Variants in RAB38 observed in about 807,000 individuals in gnomAD.
RAB38 encodes ras-related protein Rab-38.
A neutral mutation model predicts 18.4 loss-of-function variants in RAB38; 15 were observed. The ratio of observed to expected loss-of-function variants is 0.82; its 90% CI spans 0.55 to 1.26. RAB38 has a LOEUF of 1.26. Among genes scored for constraint, RAB38 ranks in the 50% most tolerant of loss-of-function variants. The probability of loss-of-function intolerance (pLI) is 0.00; values close to 1 mark genes in which losing one functional copy is unlikely to be tolerated. For missense variants in RAB38, 294 were observed against 267.4 expected (o/e 1.10, Z -0.69); for synonymous variants, 101 against 104.4 (o/e 0.97, Z 0.20).
At chr11:87,948,504 C>A in the RAB38 span, among the ~76,000 whole-genome samples, 2 of 151,738 alleles carry the variant, frequency 1.3e-5, no homozygotes, top group Non-Finnish European at 2.9e-5. Flanking sequence ...CCAGTTTTTG[C>A]CCATTCAGTA....
chr11:87,885,227 C>G, the RAB38 span, among the ~76,000 whole-genome samples: 1 of 151,560 alleles, frequency 6.6e-6, no homozygotes, highest in Admixed American at 6.6e-5. Context: ...ACTTACCACC[C>G]TGAATATTCC....
the RAB38 span, among the ~76,000 whole-genome samples, chr11:88,103,375 G>A: frequency 2.6e-5 from 4 of 151,882 alleles, no homozygotes; most frequent in Non-Finnish European, 5.9e-5. Flanking sequence ...ACTATGTTCT[G>A]GTCAGCACAA....
At chr11:88,139,846 G>C (rs926621323) in intron 2 of RAB38, among the ~76,000 whole-genome samples, 18 of 152,290 alleles carry the variant, frequency 1.2e-4, no homozygotes, top group African/African-American at 3.9e-4. Flanking sequence ...CTGAAGTCTA[G>C]GCCTGGTCTC....
the RAB38 span, among the ~76,000 whole-genome samples, chr11:88,052,901 CATATATATATATATATATATATAT>C: frequency 0.1 from 2,210 of 21,522 alleles, 197 homozygotes; most frequent in African/African-American, 0.28. Context: ...GAAAAAATTT[CATATATATATATATATATATATAT>C]ATATATATAT....
the RAB38 span, among the ~76,000 whole-genome samples, chr11:87,929,694 C>A: frequency 6.6e-6 from 1 of 151,264 alleles, no homozygotes; most frequent in Non-Finnish European, 1.5e-5. Context: ...AGGTATATCT[C>A]CTAATGCTAT....
rs1942981770 is a variant in RAB38, at chr11:88,146,113, A to G, written c.483+3562T>C. Among the ~76,000 whole-genome samples, 3 of 152,204 alleles carry G rather than the reference A, an allele frequency of 2.0e-5. No individual in the cohort carries two copies. The South Asian group carries it at 6.2e-4, about 32-fold the overall frequency. The stretch of plus-strand genomic sequence containing the variant: ...TTAATTCACTTGCCAGCCAGGGGCT[A>G]CCATGATTGCTCCAGCAACAGCAGT... On this transcript the variant is annotated intron_variant, in intron 2 of 2. Coordinates refer to ENST00000243662, the MANE Select transcript of RAB38 (RefSeq NM_022337.3).
chr11:88,060,150 A>T, the RAB38 span: 1 of 152,130 alleles, frequency 6.6e-6, no homozygotes, highest in South Asian at 2.1e-4. Context: ...GAGACATGAG[A>T]TTTATTTTCA....
At chr11:87,902,930 AAATT>A in the RAB38 span, among the ~76,000 whole-genome samples, 5 of 151,062 alleles carry the variant, frequency 3.3e-5, no homozygotes, top group African/African-American at 1.2e-4. Context: ...TAGTCTTTCT[AAATT>A]TATTTAATAA....
the RAB38 span, among the ~76,000 whole-genome samples, chr11:87,875,319 A>G: frequency 6.6e-6 from 1 of 151,526 alleles, no homozygotes; most frequent in Admixed American, 6.6e-5. Flanking sequence ...TCAATTAAAA[A>G]TAAAATTAAT....
the RAB38 span, among the ~76,000 whole-genome samples, chr11:88,052,935 T>TAAATTATATATATATATATATATATATC: frequency 3.5e-5 from 3 of 85,790 alleles, no homozygotes; most frequent in Non-Finnish European, 6.2e-5. Flanking sequence ...TATATATATA[T>TAAATTATATATATATATATATATATATC]ATATATATAA....
rs1943374568 is a variant in RAB38 at position 88,175,309 on chromosome 11, T to C, written c.76A>G (p.Ile26Val). ...GDLGVGKTSI[I>V]KRYVHQNFSS... ...AAGTTCTGGTGCACGTAGCGCTTGA[T>C]GATACTGGTCTTCCCCACGCCCAGG... The change falls in exon 1 of 3, where the codon ATC (isoleucine) becomes GTC (valine). Residue 26 changes from isoleucine (I) to valine (V), a missense_variant. Physicochemically the swap from Ile to Val is conservative, Grantham distance 29. Transcript: ENST00000243662. The C allele has an allele frequency of 6.2e-7, 1 of 1,614,092 alleles. No individual in the cohort carries two copies. Among genetic ancestry groups the C allele is most frequent in the Non-Finnish European group, 8.5e-7 (1 of 1,180,030 alleles).
chr11:87,879,297 G>A, the RAB38 span, among the ~76,000 whole-genome samples: 1 of 151,222 alleles, frequency 6.6e-6, no homozygotes, highest in African/African-American at 2.4e-5. Flanking sequence ...ACCACATTGC[G>A]AGAACATGAT....
At chr11:88,166,283 A>G (rs1054547714) in intron 1 of RAB38, 1 of 152,174 alleles carries the variant, frequency 6.6e-6, no homozygotes, top group African/African-American at 2.4e-5. Flanking sequence ...CTATGCCATT[A>G]TCTCCTCTTC....
chr11:88,095,884 A>G, the RAB38 span, among the ~76,000 whole-genome samples: 1 of 152,000 alleles, frequency 6.6e-6, no homozygotes, highest in East Asian at 2.0e-4. Flanking sequence ...TCTATCAGGA[A>G]ATCGCTTTGG....
At chr11:87,844,791 A>G in the RAB38 span, among the ~76,000 whole-genome samples, 1 of 152,184 alleles carries the variant, frequency 6.6e-6, no homozygotes, top group Non-Finnish European at 1.5e-5. Context: ...AAGCCTTAAC[A>G]TAAACCCCGA....
At chr11:87,853,387 C>T in the RAB38 span, among the ~76,000 whole-genome samples, 10 of 152,162 alleles carry the variant, frequency 6.6e-5, 1 homozygote, top group South Asian at 2.1e-3. Context: ...CTCTCTGTTT[C>T]TCCACCATGG....
the RAB38 span, among the ~76,000 whole-genome samples, chr11:88,078,341 TCTATTGAAGATATAG>T: frequency 6.6e-6 from 1 of 151,968 alleles, no homozygotes; most frequent in African/African-American, 2.4e-5. Context: ...AGAAATTCAA[TCTATTGAAGATATAG>T]CTGTACTCCC....
the RAB38 span, among the ~76,000 whole-genome samples, chr11:88,038,154 TGAC>T: frequency 1.3e-5 from 2 of 152,196 alleles, no homozygotes; most frequent in Non-Finnish European, 2.9e-5. Flanking sequence ...TTCAGTTACA[TGAC>T]CCAAGATATT....
the RAB38 span, among the ~76,000 whole-genome samples, chr11:87,828,109 T>G: frequency 6.6e-6 from 1 of 152,188 alleles, no homozygotes; most frequent in East Asian, 1.9e-4. Flanking sequence ...CTGTGCTCTA[T>G]CTTTGCAACA....
Sources: gnomAD v4.1 joint callset for allele counts (sites outside exome capture counted in the v4.1 genomes callset) on GRCh38, gnomAD v4.1.1 for gene constraint, MANE v1.5 for transcripts, NCBI Gene and HGNC (gene_info 2026-07-23, HGNC 2026-07-21) for gene names.